BMP7: variants seen among roughly 807,000 people sequenced by gnomAD.
The protein encoded by BMP7 is bone morphogenetic protein 7, also known as osteogenic protein 1.
BMP7 carries 12 observed loss-of-function variants against 41.2 expected under a neutral mutation model. The ratio of observed to expected loss-of-function variants is 0.29; its 90% CI spans 0.19 to 0.47. BMP7 has a LOEUF of 0.47. BMP7 is among the 20% of genes least tolerant of loss of function. BMP7 has a pLI of 0.99. For synonymous variants in BMP7, 248 were observed against 250.0 expected, an observed-to-expected ratio of 0.99 and a Z score of 0.07; for missense variants, 467 against 606.0, an observed-to-expected ratio of 0.77 and a Z score of 2.41.
chr20:57,225,663 T>C (rs1424312456), intron 2 of BMP7, among the ~76,000 whole-genome samples: 1 of 152,112 alleles, frequency 6.6e-6, no homozygotes, highest in Non-Finnish European at 1.5e-5. Context: ...TGGTTCTAGG[T>C]TGAAAAACAA....
intron 2 of BMP7, among the ~76,000 whole-genome samples, chr20:57,227,015 C>T (rs1337628709): frequency 2.0e-5 from 3 of 151,934 alleles, no homozygotes; most frequent in Non-Finnish European, 4.4e-5. Flanking sequence ...TTAGTAGAGA[C>T]GGGGTTTCAC....
At chr20:57,206,383 G>A (rs1984732075) in intron 2 of BMP7, among the ~76,000 whole-genome samples, 1 of 152,194 alleles carries the variant, frequency 6.6e-6, no homozygotes, top group African/African-American at 2.4e-5. Context: ...GAGAAAAGTT[G>A]GGGTCAGTGA....
In BMP7 at chr20:57,261,633, G is replaced by A. The variant is rs2066154498; in HGVS notation, c.418+4072C>T. Reference sequence around the variant, plus strand: ...CTATAGCAAAGGCGCTCTGCAGAAAGAAAGAAGGGGGGAGCTGTGTGACAT... The same window carrying A: ...CTATAGCAAAGGCGCTCTGCAGAAAAAAAGAAGGGGGGAGCTGTGTGACAT... On this transcript the variant is annotated intron_variant, in intron 1 of 6. Coordinates refer to ENST00000395863, the MANE Select transcript of BMP7 (RefSeq NM_001719.3). The surrounding 1 kb of genome is among the most constrained non-coding windows in gnomAD (Gnocchi z 4.1). 6.6e-6 allele frequency among the ~76,000 whole-genome samples: 1 copy of A among 152,188 alleles called. No homozygotes were observed. Among genetic ancestry groups the A allele is most frequent in the Non-Finnish European group, 1.5e-5 (1 of 68,034 alleles).
intron 1 of BMP7, among the ~76,000 whole-genome samples, chr20:57,251,975 C>A (rs902832945): frequency 2.0e-5 from 3 of 152,082 alleles, no homozygotes; most frequent in African/African-American, 4.8e-5. Context: ...GGCTTTTTTA[C>A]TTTTTGCACT....
At chr20:57,178,586 C>T (rs946799897) in intron 4 of BMP7, among the ~76,000 whole-genome samples, 9 of 152,134 alleles carry the variant, frequency 5.9e-5, no homozygotes, top group African/African-American at 2.2e-4. Context: ...ACTCTACAGC[C>T]TGCCCTCTAG....
chr20:57,208,981 C>T (rs1021142116), intron 2 of BMP7, among the ~76,000 whole-genome samples: 2 of 150,046 alleles, frequency 1.3e-5, no homozygotes, highest in Non-Finnish European at 1.5e-5. Flanking sequence ...CCCAGGAGTT[C>T]AAGACCAGAC....
intron 2 of BMP7, among the ~76,000 whole-genome samples, chr20:57,220,894 G>A (rs549556166): frequency 6.6e-6 from 1 of 152,302 alleles, no homozygotes; most frequent in African/African-American, 2.4e-5. Context: ...ACTAGCTCCA[G>A]GGCAAAGATA....
chr20:57,233,578 G>A (rs536011162), intron 1 of BMP7, among the ~76,000 whole-genome samples: 1 of 152,232 alleles, frequency 6.6e-6, no homozygotes, highest in African/African-American at 2.4e-5. Context: ...TGCCATGCCA[G>A]GGAAGACTTC....
chr20:57,221,628 C>A (rs1215547862), intron 2 of BMP7, among the ~76,000 whole-genome samples: 3 of 152,052 alleles, frequency 2.0e-5, no homozygotes, highest in African/African-American at 7.2e-5. Context: ...GCCTGGACAA[C>A]ACAGTGAGAC....
intron 3 of BMP7, among the ~76,000 whole-genome samples, chr20:57,198,085 C>G (rs1364511165): frequency 6.7e-6 from 1 of 150,332 alleles, no homozygotes; most frequent in Non-Finnish European, 1.5e-5. Context: ...TCCTCTCGCT[C>G]TCCTCTCCCC....
In BMP7 at chr20:57,225,570, T is replaced by C. The variant is rs2123114756; in HGVS notation, c.611+2659A>G. On this transcript the variant is annotated intron_variant, in intron 2 of 6. Transcript: ENST00000395863. ...AAACTGAGGCTCTGAGAGATGACTC[T>C]TTCCCAAGGCCACATGGGTAGCTGG... Among the ~76,000 whole-genome samples, 3 of 145,288 alleles carry C rather than the reference T, an allele frequency of 2.1e-5. 1 individual carries two copies. Among genetic ancestry groups the C allele is most frequent in the Admixed American group, 2.0e-4 (3 of 15,122 alleles).
At chr20:57,252,223 T>C (rs1328653547) in intron 1 of BMP7, among the ~76,000 whole-genome samples, 1 of 152,240 alleles carries the variant, frequency 6.6e-6, no homozygotes, top group Non-Finnish European at 1.5e-5. Flanking sequence ...TGAAATATGA[T>C]TCTTCTCGAG....
intron 1 of BMP7, among the ~76,000 whole-genome samples, chr20:57,265,295 C>G (rs1434893015): frequency 6.6e-6 from 1 of 152,162 alleles, no homozygotes; most frequent in African/African-American, 2.4e-5. Flanking sequence ...CCAGGCAGGG[C>G]TGAGAGGGGC....
chr20:57,171,241 C>T lies in BMP7; in HGVS notation c.1147-133G>A. ...CAGGTGACACTCCCCAAGCCAAGCA[C>T]TCCCTGTTCTAAGCACTTTACATGG... On this transcript the variant is annotated intron_variant, in intron 6 of 6. Coordinates refer to ENST00000395863, the MANE Select transcript of BMP7 (RefSeq NM_001719.3). This position sits in a 1 kb window ranked among gnomAD's most constrained non-coding sequence, Gnocchi z 4.5. The T allele has an allele frequency of 7.8e-7, 1 of 1,289,622 alleles. No individual in the cohort carries two copies. Among genetic ancestry groups the T allele is most frequent in the Non-Finnish European group, 1.1e-6 (1 of 909,522 alleles). 79.9% of individuals were successfully genotyped at this position (1,289,622 alleles called of 1,614,324 possible).
At chr20:57,245,765 A>C (rs62205694) in intron 1 of BMP7, among the ~76,000 whole-genome samples, 24,111 of 150,974 alleles carry the variant, frequency 0.16, 2,230 homozygotes, top group South Asian at 0.22. Context: ...CAGCCTCCCG[A>C]GTATCTGCGA....
At position 57,266,216 on chromosome 20, in the gene BMP7, C is replaced by A; in HGVS notation, c.-94G>T. 2 of 1,298,784 alleles carry A rather than the reference C, an allele frequency of 1.5e-6. No individual in the cohort carries two copies. The highest frequency in any genetic ancestry group is 3.6e-5 in the South Asian group (2 of 55,346). The allele number at this position is 1,298,784 out of a possible 1,614,324, so 80.5% of individuals were successfully genotyped here. ...CAGGCGGCCGTCCGCGCCGCTCGGTCACTTGCTGCAGACGGGCCCCGCTGC... is the reference window on the plus strand; with the variant it reads ...CAGGCGGCCGTCCGCGCCGCTCGGTAACTTGCTGCAGACGGGCCCCGCTGC... On this transcript the variant is annotated 5_prime_UTR_variant, in exon 1 of 7. The change abolishes the stop of an existing upstream ORF in the 5' untranslated region. Transcript: ENST00000395863.
intron 2 of BMP7, among the ~76,000 whole-genome samples, chr20:57,209,376 C>T (rs914312815): frequency 1.0e-4 from 15 of 150,052 alleles, no homozygotes; most frequent in South Asian, 2.1e-4. Context: ...GCCCAGGAGG[C>T]GGAGGTTGCA....
chr20:57,171,046 G>A lies in BMP7; in HGVS notation c.1209C>T (p.Ala403=). ...TGTCATCGAAGTAGAGGACGGAGAT[G>A]GCATTGAGCTGCGTGGGCGCACAGC... ...KPCCAPTQLN[A]ISVLYFDDSS... The change falls in exon 7 of 7, where the codon GCC becomes GCT. Residue 403 remains alanine (A), a synonymous_variant. Coordinates refer to ENST00000395863, the MANE Select transcript of BMP7 (RefSeq NM_001719.3). The surrounding 1 kb of genome is among the most constrained non-coding windows in gnomAD (Gnocchi z 4.5). The A allele has an allele frequency of 6.2e-7, 1 of 1,614,232 alleles. No individual in the cohort carries two copies. Among genetic ancestry groups the A allele is most frequent in the Non-Finnish European group, 8.5e-7 (1 of 1,180,048 alleles).
rs145688455 is a variant in BMP7 at position 57,219,734 on chromosome 20, G to C, written c.611+8495C>G. On this transcript the variant is annotated intron_variant, in intron 2 of 6. Coordinates refer to ENST00000395863, the MANE Select transcript of BMP7 (RefSeq NM_001719.3). ...GTCTCCAGAACCTCTAGCAGGAAGA[G>C]TGAGCCAAAGTCACCCTTCGGGGTG... is the stretch of plus-strand genomic sequence containing the variant. 4.8e-3 allele frequency among the ~76,000 whole-genome samples: 732 copies of C among 152,352 alleles called. 9 individuals are homozygous for C. The highest frequency in any genetic ancestry group is 0.016 in the African/African-American group (684 of 41,578).
Sources: allele counts gnomAD v4.1 joint callset (sites outside exome capture counted in the v4.1 genomes callset), GRCh38; gene constraint gnomAD v4.1.1; non-coding constraint Gnocchi (gnomAD v3.1); transcripts MANE v1.5; gene names NCBI Gene and HGNC (gene_info 2026-07-23, HGNC 2026-07-21).